STAC: variants seen among roughly 807,000 people sequenced by gnomAD.
STAC encodes the protein SH3 and cysteine-rich domain-containing protein.
STAC carries 43 observed loss-of-function variants against 48.8 expected under a neutral mutation model. The ratio of observed to expected loss-of-function variants is 0.88; its 90% CI spans 0.69 to 1.14. The LOEUF (loss-of-function observed/expected upper bound fraction) is 1.14. STAC is among the 50% of genes most tolerant of loss of function. The pLI, the probability that STAC is intolerant of heterozygous loss-of-function variation, is 0.00. For missense variants in STAC, 497 were observed against 504.0 expected (o/e 0.99, Z 0.13); for synonymous variants, 193 against 179.5 (o/e 1.07, Z -0.60).
In STAC at chr3:36,543,877, A is replaced by T. The variant is rs563590437; in HGVS notation, c.1111-2314A>T. Among the ~76,000 whole-genome samples the T allele has an allele frequency of 7.2e-5, 11 of 152,296 alleles. No homozygotes were observed. The South Asian group carries it at 2.3e-3, about 32-fold the overall frequency. ...ACCACAATACAGCATTCTTGTGTGT[A>T]TATGTCAATAAATTGTTTTCAAGTT... On this transcript the variant is annotated intron_variant, in intron 10 of 10. Coordinates refer to ENST00000273183, the MANE Select transcript of STAC (RefSeq NM_003149.3).
chr3:36,425,857 T>G (rs1700551859), intron 1 of STAC, among the ~76,000 whole-genome samples: 1 of 152,050 alleles, frequency 6.6e-6, no homozygotes, highest in African/African-American at 2.4e-5. Context: ...TGAGACCCTG[T>G]CTCTACCAAA....
intron 10 of STAC, among the ~76,000 whole-genome samples, chr3:36,535,323 G>C (rs1204302619): frequency 1.3e-5 from 2 of 152,122 alleles, no homozygotes; most frequent in Non-Finnish European, 2.9e-5. Flanking sequence ...CATTGATTTT[G>C]TATCCTGAGA....
chr3:36,523,561 G>A (rs1341321054), intron 8 of STAC, among the ~76,000 whole-genome samples: 1 of 152,174 alleles, frequency 6.6e-6, no homozygotes, highest in Non-Finnish European at 1.5e-5. Context: ...GTAAACTCTA[G>A]ACGTAATGTA....
chr3:36,434,215 G>A (rs1246173739), intron 1 of STAC, among the ~76,000 whole-genome samples: 3 of 152,178 alleles, frequency 2.0e-5, no homozygotes, highest in East Asian at 3.8e-4. Context: ...AGCTGGCTTC[G>A]AGAGTCAATG....
intron 2 of STAC, among the ~76,000 whole-genome samples, chr3:36,482,023 T>C (rs1697661696): frequency 1.3e-5 from 2 of 152,222 alleles, no homozygotes; most frequent in Admixed American, 1.3e-4. Context: ...CCTTTCTTCC[T>C]CTTTTCTAAT....
At chr3:36,516,974 C>T (rs368332265) in intron 8 of STAC, among the ~76,000 whole-genome samples, 32 of 152,256 alleles carry the variant, frequency 2.1e-4, no homozygotes, top group African/African-American at 7.5e-4. Context: ...AAAGACTCTC[C>T]CTTTGAGCAG....
chr3:36,508,306 C>A (rs1698453896), intron 8 of STAC, among the ~76,000 whole-genome samples: 1 of 152,076 alleles, frequency 6.6e-6, no homozygotes. Context: ...TCCTTCCATT[C>A]TTTTGCATTT....
chr3:36,479,371 A>T (rs192347645), intron 2 of STAC, among the ~76,000 whole-genome samples: 238 of 152,270 alleles, frequency 1.6e-3, no homozygotes, highest in African/African-American at 5.3e-3. Context: ...TGCTTACCGT[A>T]TCTCCACTTG....
At chr3:36,429,684 C>T (rs1167766313) in intron 1 of STAC, among the ~76,000 whole-genome samples, 1 of 152,224 alleles carries the variant, frequency 6.6e-6, no homozygotes, top group African/African-American at 2.4e-5. Flanking sequence ...CTTCTCCTTG[C>T]CTCCTCGGAA....
intron 1 of STAC, among the ~76,000 whole-genome samples, chr3:36,401,321 A>G (rs1230419852): frequency 6.6e-6 from 1 of 152,218 alleles, no homozygotes; most frequent in Non-Finnish European, 1.5e-5. Context: ...TGCCTTTTCC[A>G]GTATATTCTT....
intron 2 of STAC, among the ~76,000 whole-genome samples, chr3:36,470,261 C>A (rs944626093): frequency 3.9e-5 from 6 of 152,186 alleles, no homozygotes; most frequent in African/African-American, 1.4e-4. Context: ...CGGGGTGCTC[C>A]CTTGATGTGG....
chr3:36,457,889 TA>T (rs1337850306), intron 2 of STAC, among the ~76,000 whole-genome samples: 15 of 152,186 alleles, frequency 9.9e-5, no homozygotes, highest in African/African-American at 3.6e-4. Context: ...AACCTAACTC[TA>T]TTTGCTATTT....
chr3:36,387,538 A>G (rs758277380), intron 1 of STAC, among the ~76,000 whole-genome samples: 2 of 151,998 alleles, frequency 1.3e-5, no homozygotes, highest in Non-Finnish European at 2.9e-5. Context: ...CTTTTTATCT[A>G]TATGAATTTG....
intron 2 of STAC, among the ~76,000 whole-genome samples, chr3:36,473,688 C>T (rs1057008740): frequency 1.3e-5 from 2 of 152,176 alleles, no homozygotes; most frequent in Admixed American, 1.3e-4. Flanking sequence ...TGTACATACA[C>T]ATACATATTC....
chr3:36,473,710 C>A (rs1003995279), intron 2 of STAC, among the ~76,000 whole-genome samples: 2 of 152,128 alleles, frequency 1.3e-5, no homozygotes, highest in African/African-American at 2.4e-5. Flanking sequence ...CATATGAACA[C>A]CCAAATATAA....
At chr3:36,438,309 G>A (rs1299606319) in intron 1 of STAC, among the ~76,000 whole-genome samples, 1 of 152,120 alleles carries the variant, frequency 6.6e-6, no homozygotes, top group Non-Finnish European at 1.5e-5. Context: ...ATGATATAGA[G>A]TAGTTTCAAG....
rs1374048507 is a variant in STAC at position 36,511,933 on chromosome 3, A to G, written c.920+6099A>G. Among the ~76,000 whole-genome samples, 4 of 152,280 alleles carry G rather than the reference A, an allele frequency of 2.6e-5. No homozygotes were observed. The East Asian group carries it at 7.7e-4, about 29-fold the overall frequency. ...AGCTCCACCACACCTCATGGTGGAT[A>G]TAATATCTAGCAAGACATCATAGCA... On this transcript the variant is annotated intron_variant, in intron 8 of 10. Coordinates refer to ENST00000273183, the MANE Select transcript of STAC (RefSeq NM_003149.3).
intron 8 of STAC, among the ~76,000 whole-genome samples, chr3:36,509,517 T>A (rs1374252535): frequency 6.6e-6 from 1 of 152,188 alleles, no homozygotes; most frequent in Non-Finnish European, 1.5e-5. Flanking sequence ...TGTTCCATTC[T>A]CCCCATCACT....
chr3:36,546,359 T>C lies in STAC; in HGVS notation c.*70T>C. The C allele has an allele frequency of 7.2e-7, 1 of 1,393,566 alleles. No individual in the cohort carries two copies. Among genetic ancestry groups the C allele is most frequent in the Non-Finnish European group, 1.0e-6 (1 of 980,380 alleles). 86.3% of individuals were successfully genotyped at this position (1,393,566 alleles called of 1,614,324 possible). On this transcript the variant is annotated 3_prime_UTR_variant, in exon 11 of 11. Transcript: ENST00000273183. ...TGCCTCTGCCTCATCTCACACTGCG[T>C]CAACCCAAAGGAGCTGCCGCACTGA...
Sources: allele counts gnomAD v4.1 joint callset (sites outside exome capture counted in the v4.1 genomes callset), GRCh38; gene constraint gnomAD v4.1.1; transcripts MANE v1.5; gene names NCBI Gene and HGNC (gene_info 2026-07-23, HGNC 2026-07-21).